Variants in NKAIN3 observed in about 807,000 individuals in gnomAD.
The protein encoded by NKAIN3 is sodium/potassium transporting ATPase interacting 3.
A neutral mutation model predicts 30.2 loss-of-function variants in NKAIN3; 25 were observed. That is an observed-to-expected ratio of 0.83 (90% CI 0.60 to 1.16). NKAIN3 has a LOEUF of 1.16. NKAIN3 is among the 50% of genes most tolerant of loss of function. The pLI, the probability that NKAIN3 is intolerant of heterozygous loss-of-function variation, is 0.00. For missense variants in NKAIN3, 225 were observed against 254.1 expected (o/e 0.89, Z 0.78); for synonymous variants, 91 against 89.6 (o/e 1.02, Z -0.09).
At chr8:62,565,853 A>G (rs1406463133) in intron 1 of NKAIN3, among the ~76,000 whole-genome samples, 2 of 152,166 alleles carry the variant, frequency 1.3e-5, no homozygotes, top group Admixed American at 6.6e-5. Context: ...TTACCCTACA[A>G]TTAGGCAAAA....
intron 2 of NKAIN3, among the ~76,000 whole-genome samples, chr8:62,583,895 G>A (rs1810391318): frequency 1.3e-5 from 2 of 152,036 alleles, no homozygotes; most frequent in Non-Finnish European, 2.9e-5. Flanking sequence ...TGAGAAATCT[G>A]TTCACAAAAA....
chr8:62,359,324 GAC>G, intron 1 of NKAIN3, among the ~76,000 whole-genome samples: 1 of 152,304 alleles, frequency 6.6e-6, no homozygotes, highest in East Asian at 1.9e-4. Context: ...AAACCATTGA[GAC>G]ACAGTTACAG....
At chr8:62,644,909 A>G (rs994465306) in intron 3 of NKAIN3, among the ~76,000 whole-genome samples, 1 of 152,172 alleles carries the variant, frequency 6.6e-6, no homozygotes, top group Non-Finnish European at 1.5e-5. Context: ...TTATGCAGGC[A>G]GGCCATCCAT....
At chr8:62,809,785 C>A (rs1818430365) in intron 4 of NKAIN3, among the ~76,000 whole-genome samples, 1 of 152,172 alleles carries the variant, frequency 6.6e-6, no homozygotes, top group South Asian at 2.1e-4. Context: ...GAAACTGAAG[C>A]CCGTGGTGGT....
chr8:62,765,264 AAAG>A (rs528985109), intron 4 of NKAIN3, among the ~76,000 whole-genome samples: 38,271 of 106,226 alleles, frequency 0.36, 7,649 homozygotes, highest in Non-Finnish European at 0.47. Context: ...AAAAAAAAAA[AAAG>A]AAAAGAAAAG....
chr8:62,746,904 T>C (rs1296238485), intron 3 of NKAIN3, 28 bp from the exon 4 acceptor site: 1 of 1,528,046 alleles, frequency 6.5e-7, no homozygotes, highest in East Asian at 2.3e-5. Context: ...ATTTCCTCAT[T>C]TTGCTCTTTT....
chr8:62,790,982 AT>A (rs2130672637), intron 4 of NKAIN3, among the ~76,000 whole-genome samples: 1 of 152,156 alleles, frequency 6.6e-6, no homozygotes, highest in African/African-American at 2.4e-5. Flanking sequence ...CTCCGTAGTA[AT>A]TGTATTATTG....
At chr8:62,985,823 A>T (rs767545821), downstream of NKAIN3, among the ~76,000 whole-genome samples, 1 of 151,902 alleles carries the variant, frequency 6.6e-6, no homozygotes, top group Non-Finnish European at 1.5e-5. Context: ...AACTTTTTGT[A>T]GTTCTACAAC....
chr8:62,928,004 G>A (rs957930057), intron 5 of NKAIN3, among the ~76,000 whole-genome samples: 1 of 152,028 alleles, frequency 6.6e-6, no homozygotes, highest in Admixed American at 6.6e-5. Context: ...CAAGTAACCA[G>A]CAATAAAGGG....
At chr8:62,371,395 C>G (rs1324745674) in intron 1 of NKAIN3, among the ~76,000 whole-genome samples, 1 of 151,810 alleles carries the variant, frequency 6.6e-6, no homozygotes, top group Non-Finnish European at 1.5e-5. Flanking sequence ...GACTTAGTTC[C>G]ATTTTAAAAA....
chr8:62,744,303 T>A (rs934317358), intron 3 of NKAIN3, among the ~76,000 whole-genome samples: 1 of 152,212 alleles, frequency 6.6e-6, no homozygotes, highest in Non-Finnish European at 1.5e-5. Flanking sequence ...TCATTCAAAT[T>A]TTAATATAGT....
chr8:62,855,774 A>G, intron 4 of NKAIN3: 2 of 1,129,398 alleles, frequency 1.8e-6, no homozygotes, highest in Non-Finnish European at 2.7e-6. Context: ...AGTAAAGGGC[A>G]TCTTCCTTTT....
intron 4 of NKAIN3, among the ~76,000 whole-genome samples, chr8:62,852,222 G>A (rs1407214878): frequency 6.6e-6 from 1 of 152,164 alleles, no homozygotes. Flanking sequence ...ATTTCTTCTA[G>A]ATTTTCTAGT....
intron 4 of NKAIN3, among the ~76,000 whole-genome samples, chr8:62,774,469 T>A (rs1008284911): frequency 6.6e-5 from 10 of 152,194 alleles, no homozygotes; most frequent in African/African-American, 1.9e-4. Context: ...AAAGTGAGCA[T>A]CCTTGTCATG....
intron 1 of NKAIN3, among the ~76,000 whole-genome samples, chr8:62,407,312 T>G (rs1319043111): frequency 6.6e-6 from 1 of 151,676 alleles, no homozygotes; most frequent in Non-Finnish European, 1.5e-5. Context: ...CTTGCATGCT[T>G]TTTTTCTATC....
chr8:62,881,664 ATT>A (rs1458894420), intron 4 of NKAIN3, among the ~76,000 whole-genome samples: 1 of 152,204 alleles, frequency 6.6e-6, no homozygotes, highest in Non-Finnish European at 1.5e-5. Context: ...TTGCTTCCAA[ATT>A]TTGGCAATTA....
intron 4 of NKAIN3, among the ~76,000 whole-genome samples, chr8:62,836,328 G>A (rs1819363375): frequency 6.6e-6 from 1 of 151,734 alleles, no homozygotes; most frequent in Non-Finnish European, 1.5e-5. Flanking sequence ...CTTAATAAAA[G>A]TTGAAATTAT....
intron 1 of NKAIN3, among the ~76,000 whole-genome samples, chr8:62,395,405 A>G (rs1312341706): frequency 1.3e-5 from 2 of 152,244 alleles, no homozygotes; most frequent in East Asian, 3.9e-4. Context: ...TTCACTTCCC[A>G]GGCGGTGCGG....
At chr8:62,501,900 G>A (rs898705468) in intron 1 of NKAIN3, among the ~76,000 whole-genome samples, 2 of 152,108 alleles carry the variant, frequency 1.3e-5, no homozygotes, top group African/African-American at 2.4e-5. Flanking sequence ...AGTCATGCCT[G>A]GGATACCACA....
Sources: gnomAD v4.1 joint callset for allele counts (sites outside exome capture counted in the v4.1 genomes callset) on GRCh38, gnomAD v4.1.1 for gene constraint, MANE v1.5 for transcripts, NCBI Gene and HGNC (gene_info 2026-07-23, HGNC 2026-07-21) for gene names.